The following ATAD1 variants were observed in gnomAD, a reference collection of about 807,000 sequenced individuals.
ATAD1 encodes outer mitochondrial transmembrane helix translocase.
In ATAD1, 18 loss-of-function variants were observed where a neutral mutation model predicts 42.7. The ratio of observed to expected loss-of-function variants is 0.42; its 90% CI spans 0.29 to 0.63. ATAD1 has a LOEUF of 0.63. Ranked by LOEUF, ATAD1 falls within the 20% of genes least tolerant of loss-of-function variation. The probability of loss-of-function intolerance (pLI) is 0.19; values close to 1 mark genes in which losing one functional copy is unlikely to be tolerated. For missense variants in ATAD1, 294 were observed against 440.4 expected, an observed-to-expected ratio of 0.67 and a Z score of 2.98; for synonymous variants, 132 against 143.1, an observed-to-expected ratio of 0.92 and a Z score of 0.55.
intron 8 of ATAD1, among the ~76,000 whole-genome samples, chr10:87,759,275 C>CT (rs780728550): frequency 6.6e-6 from 1 of 151,954 alleles, no homozygotes; most frequent in Non-Finnish European, 1.5e-5. Flanking sequence ...TTGATAAACT[C>CT]TATCAACTCC....
chr10:87,812,013 T>C (rs577461556), intron 2 of ATAD1, among the ~76,000 whole-genome samples: 22 of 152,314 alleles, frequency 1.4e-4, no homozygotes, highest in African/African-American at 4.6e-4. Flanking sequence ...TTTTCCCACA[T>C]CATCACAAAG....
At chr10:87,794,971 G>A (rs1403840482) in intron 2 of ATAD1, among the ~76,000 whole-genome samples, 3 of 152,140 alleles carry the variant, frequency 2.0e-5, no homozygotes, top group African/African-American at 7.2e-5. Flanking sequence ...AAGGGAAAAG[G>A]AACTAATGGT....
At position 87,818,188 on chromosome 10, in the gene ATAD1, G is replaced by A. The variant is rs1437500764; in HGVS notation, c.-35C>T. On this transcript the variant is annotated 5_prime_UTR_variant, in exon 1 of 10. Transcript: ENST00000680024. ...TCACCCAGGGGCAGAAACAGCAAGA[G>A]CAAGTGCCCTCAGCCGGCCTCACAC... 2.0e-6 allele frequency: 2 copies of A among 985,614 alleles called. No individual in the cohort carries two copies. Among genetic ancestry groups the A allele is most frequent in the African/African-American group, 1.7e-5 (1 of 57,244 alleles). The allele number at this position is 985,614 out of a possible 1,614,324, so 61.1% of individuals were successfully genotyped here.
At chr10:87,785,297 T>C (rs752504559) in intron 4 of ATAD1, among the ~76,000 whole-genome samples, 1 of 151,818 alleles carries the variant, frequency 6.6e-6, no homozygotes, top group African/African-American at 2.4e-5. Flanking sequence ...GGTTGGGATC[T>C]TGAACATTTT....
intron 2 of ATAD1, among the ~76,000 whole-genome samples, chr10:87,811,383 C>T (rs1458234572): frequency 7.2e-6 from 1 of 139,646 alleles, no homozygotes; most frequent in Non-Finnish European, 1.6e-5. Flanking sequence ...AAAAAATTAT[C>T]AAGCTTCTTT....
At chr10:87,786,939 G>C (rs1008482344) in intron 4 of ATAD1, among the ~76,000 whole-genome samples, 3 of 151,902 alleles carry the variant, frequency 2.0e-5, no homozygotes, top group Non-Finnish European at 4.4e-5. Flanking sequence ...TGGGCAACAG[G>C]GCGAGACTCC....
At chr10:87,756,733 C>A in intron 9 of ATAD1, 56 bp downstream of exon 9, 1 of 1,455,230 alleles carries the variant, frequency 6.9e-7, no homozygotes, top group Admixed American at 2.4e-5. Context: ...AAGAAACTAA[C>A]CTAAAAGCTC....
rs1854070094 is a variant in ATAD1, at chr10:87,752,835, T to A, written c.*1852A>T. The stretch of plus-strand genomic sequence containing the variant: ...TGATTAAAACCACGAAGAAATTGAA[T>A]AACCACTCCTACTGGATATTGTGAA... On this transcript the variant is annotated 3_prime_UTR_variant, in exon 10 of 10. Transcript: ENST00000680024. 1 of 152,124 alleles carries A rather than the reference T, an allele frequency of 6.6e-6. No homozygotes were observed. The highest frequency in any genetic ancestry group is 2.4e-5 in the African/African-American group (1 of 41,422). 9.4% of individuals were successfully genotyped at this position (152,124 alleles called of 1,614,324 possible).
chr10:87,840,299 C>T (rs56885989), intron 1 of ATAD1, among the ~76,000 whole-genome samples: 1,860 of 152,220 alleles, frequency 0.012, 44 homozygotes, highest in African/African-American at 0.043. Flanking sequence ...GCCTGGGCAA[C>T]ATAGTGAGAC....
intron 1 of ATAD1, among the ~76,000 whole-genome samples, chr10:87,816,003 C>T (rs1857399414): frequency 6.6e-6 from 1 of 152,092 alleles, no homozygotes; most frequent in South Asian, 2.1e-4. Flanking sequence ...AAATTCTATC[C>T]TAACTTCAAA....
At position 87,814,535 on chromosome 10, in the gene ATAD1, C is replaced by T; in HGVS notation, c.65G>A (p.Arg22His). The change falls in exon 2 of 10, where the codon CGT becomes CAT. Residue 22 changes from arginine (R) to histidine (H), a missense_variant. Physicochemically the swap from Arg to His is conservative, Grantham distance 29. Around this residue, in one of 3 missense-constraint regions of ATAD1, gnomAD observed 121 missense variants for 187.3 expected, o/e 0.65. Transcript: ENST00000680024. ...SRNEVVGLIFRLTIFGAVTYF... is the reference protein window; with the variant it reads ...SRNEVVGLIFHLTIFGAVTYF... The stretch of plus-strand genomic sequence containing the variant: ...TGTCACTGCACCAAATATTGTCAAA[C>T]GGAAAATTAAACCAACAACTTCATT... The T allele has an allele frequency of 3.1e-6, 5 of 1,611,556 alleles. No homozygotes were observed. Among genetic ancestry groups the T allele is most frequent in the Non-Finnish European group, 3.4e-6 (4 of 1,178,872 alleles).
intron 1 of ATAD1, among the ~76,000 whole-genome samples, chr10:87,837,063 T>C (rs1857944166): frequency 6.6e-6 from 1 of 152,236 alleles, no homozygotes; most frequent in African/African-American, 2.4e-5. Context: ...AGGAACTTTT[T>C]AATCTTACGT....
chr10:87,758,563 A>G (rs189606645), intron 8 of ATAD1, among the ~76,000 whole-genome samples: 1 of 152,290 alleles, frequency 6.6e-6, no homozygotes, highest in Admixed American at 6.5e-5. Flanking sequence ...TGAGGTTTAT[A>G]ATAGACAATA....
chr10:87,783,595 T>A (rs962679584), intron 5 of ATAD1, among the ~76,000 whole-genome samples: 1 of 151,500 alleles, frequency 6.6e-6, no homozygotes, highest in African/African-American at 2.4e-5. Context: ...AAAACTACAG[T>A]AATAAAGCTA....
At chr10:87,822,685 AAAT>A (rs375969686), upstream of ATAD1, among the ~76,000 whole-genome samples, 5 of 152,272 alleles carry the variant, frequency 3.3e-5, 1 homozygote, top group African/African-American at 1.2e-4. Flanking sequence ...ATGGGTACAA[AAAT>A]ACAGTTAGAT....
upstream of ATAD1, among the ~76,000 whole-genome samples, chr10:87,821,401 G>A (rs1205949992): frequency 6.6e-6 from 1 of 151,892 alleles, no homozygotes; most frequent in Non-Finnish European, 1.5e-5. Flanking sequence ...GTGTGGTGGC[G>A]GGCACCTGTA....
At chr10:87,782,195 C>A (rs919025575) in intron 5 of ATAD1, among the ~76,000 whole-genome samples, 7 of 152,042 alleles carry the variant, frequency 4.6e-5, no homozygotes, top group Non-Finnish European at 8.8e-5. Context: ...TCAAAAGCAA[C>A]AAGATTAAAA....
At chr10:87,758,496 T>A (rs185534091) in intron 8 of ATAD1, among the ~76,000 whole-genome samples, 1 of 151,902 alleles carries the variant, frequency 6.6e-6, no homozygotes, top group African/African-American at 2.4e-5. Context: ...TAAATGCAAA[T>A]AGACTAAACT....
intron 1 of ATAD1, among the ~76,000 whole-genome samples, chr10:87,834,471 G>T (rs1408675006): frequency 6.6e-6 from 1 of 152,090 alleles, no homozygotes; most frequent in Non-Finnish European, 1.5e-5. Context: ...ACAGGTATAG[G>T]ATTCTTCAGG....
Sources: allele counts gnomAD v4.1 joint callset (sites outside exome capture counted in the v4.1 genomes callset), GRCh38; gene constraint gnomAD v4.1.1; regional missense constraint gnomAD v4.1.1; transcripts MANE v1.5; gene names NCBI Gene and HGNC (gene_info 2026-07-23, HGNC 2026-07-21).